The following PRDM16 variants were observed in gnomAD, a reference collection of about 807,000 sequenced individuals.
The protein encoded by PRDM16 is PR/SET domain 16.
A neutral mutation model predicts 110.6 loss-of-function variants in PRDM16; 23 were observed. The observed-to-expected ratio is 0.21, with a 90% CI of 0.15 to 0.29. The LOEUF is 0.29. PRDM16 is among the 10% of genes least tolerant of loss of function. PRDM16 has a pLI of 1.00. For synonymous variants in PRDM16, 799 were observed against 781.8 expected (o/e 1.02, Z -0.37); for missense variants, 1,615 against 1,794.3 (o/e 0.90, Z 1.81).
At chr1:3,118,835 C>T (rs1367103713) in intron 1 of PRDM16, among the ~76,000 whole-genome samples, 1 of 152,248 alleles carries the variant, frequency 6.6e-6, no homozygotes, top group African/African-American at 2.4e-5. Flanking sequence ...TGTGTGTGCA[C>T]TTGCAGGTGT....
At chr1:3,242,978 C>A (rs193220479) in intron 2 of PRDM16, among the ~76,000 whole-genome samples, 2 of 152,376 alleles carry the variant, frequency 1.3e-5, no homozygotes, top group East Asian at 3.9e-4. Context: ...GCACAGACAG[C>A]ACTCTGGGAT....
chr1:3,305,686 A>G (rs1268689439), intron 3 of PRDM16, among the ~76,000 whole-genome samples: 1 of 152,216 alleles, frequency 6.6e-6, no homozygotes, highest in Admixed American at 6.5e-5. Flanking sequence ...AACGGTGGGG[A>G]ATTGTGGAGC....
intron 4 of PRDM16, among the ~76,000 whole-genome samples, chr1:3,386,288 C>T (rs1407430092): frequency 1.2e-4 from 18 of 152,088 alleles, no homozygotes; most frequent in Admixed American, 1.2e-3. Flanking sequence ...GTGAAGACCA[C>T]GTCACGGAAC....
At chr1:3,332,163 A>G (rs1642054308) in intron 3 of PRDM16, among the ~76,000 whole-genome samples, 1 of 152,234 alleles carries the variant, frequency 6.6e-6, no homozygotes, top group South Asian at 2.1e-4. Context: ...TTTCCTGACA[A>G]TGCGCTCACC....
chr1:3,425,635 C>T lies in PRDM16; in HGVS notation c.2994C>T (p.Val998=). Residue 998 remains valine, a synonymous_variant, in exon 13 of 17, where the codon GTC becomes GTT. Transcript: ENST00000270722. This position sits in a 1 kb window ranked among gnomAD's most constrained non-coding sequence, Gnocchi z 6.9. The stretch of plus-strand genomic sequence containing the variant: ...TCTCTTCGAACCTCCAGCGGCACGT[C>T]CGGAACATCCACAACAAGGAGAAGC... ...FSISSNLQRH[V]RNIHNKEKPF... is the part of the protein sequence containing the mutation. 1 of 1,613,996 alleles carries T rather than the reference C, an allele frequency of 6.2e-7. No homozygotes were observed. The highest frequency in any genetic ancestry group is 1.3e-5 in the African/African-American group (1 of 75,048).
At chr1:3,110,879 G>C (rs958448318) in intron 1 of PRDM16, among the ~76,000 whole-genome samples, 1 of 152,170 alleles carries the variant, frequency 6.6e-6, no homozygotes, top group Non-Finnish European at 1.5e-5. Flanking sequence ...GATAAGAACA[G>C]TTGCCGAGTC....
intron 1 of PRDM16, among the ~76,000 whole-genome samples, chr1:3,145,682 C>G (rs994342430): frequency 6.6e-6 from 1 of 152,216 alleles, no homozygotes; most frequent in African/African-American, 2.4e-5. Flanking sequence ...ACTCACCCGC[C>G]CCACCCGCTC....
chr1:3,124,532 G>T (rs1643163977), intron 1 of PRDM16, among the ~76,000 whole-genome samples: 1 of 152,316 alleles, frequency 6.6e-6, no homozygotes, highest in Non-Finnish European at 1.5e-5. Flanking sequence ...TACCACTATA[G>T]CACCAATGCT....
At chr1:3,347,474 C>G (rs954081485) in intron 3 of PRDM16, among the ~76,000 whole-genome samples, 1 of 152,198 alleles carries the variant, frequency 6.6e-6, no homozygotes, top group Non-Finnish European at 1.5e-5. Context: ...AGGCCCCGCC[C>G]TCCTGCGTCT....
At chr1:3,256,012 G>T (rs1458607012) in intron 3 of PRDM16, among the ~76,000 whole-genome samples, 1 of 152,230 alleles carries the variant, frequency 6.6e-6, no homozygotes, top group Non-Finnish European at 1.5e-5. Flanking sequence ...GAGCAGGTAT[G>T]TGGCACAGTG....
intron 12 of PRDM16, among the ~76,000 whole-genome samples, chr1:3,420,290 T>A (rs1638391121): frequency 1.3e-5 from 2 of 152,210 alleles, no homozygotes. Context: ...CTGGACTGGC[T>A]TTGATAATCA....
chr1:3,113,838 C>T (rs1363654925), intron 1 of PRDM16, among the ~76,000 whole-genome samples: 1 of 152,262 alleles, frequency 6.6e-6, no homozygotes, highest in African/African-American at 2.4e-5. Context: ...GTGTCTGCCT[C>T]CCTCAGGCCG....
chr1:3,203,556 G>T (rs1309424707), intron 2 of PRDM16, among the ~76,000 whole-genome samples: 3 of 149,976 alleles, frequency 2.0e-5, no homozygotes, highest in Non-Finnish European at 4.4e-5. Flanking sequence ...GAAGCCTCTG[G>T]GGTGGGGTCC....
At chr1:3,192,244 G>T (rs901482349) in intron 2 of PRDM16, among the ~76,000 whole-genome samples, 3 of 152,228 alleles carry the variant, frequency 2.0e-5, no homozygotes, top group Non-Finnish European at 2.9e-5. Flanking sequence ...CGTGTCGCCA[G>T]CTCATCTGGG....
At chr1:3,216,349 G>T (rs1184535321) in intron 2 of PRDM16, among the ~76,000 whole-genome samples, 1 of 152,196 alleles carries the variant, frequency 6.6e-6, no homozygotes, top group African/African-American at 2.4e-5. Context: ...ATGCCACGGG[G>T]CTGGGAAGCC....
In PRDM16 at chr1:3,127,121, G is replaced by T. The variant is rs537390787; in HGVS notation, c.37+57825G>T. The stretch of plus-strand genomic sequence containing the variant: ...AAAGGGAAAGGCCAAGGAAAAGAGA[G>T]AGAGGCCCAGACGGTCTCTTGTTTT... On this transcript the variant is annotated intron_variant, in intron 1 of 16. Coordinates refer to ENST00000270722, the MANE Select transcript of PRDM16 (RefSeq NM_022114.4). Among the ~76,000 whole-genome samples the T allele has an allele frequency of 3.9e-5, 6 of 152,368 alleles. No homozygotes were observed. In the South Asian group the frequency reaches 1.2e-3, roughly 32 times the overall value.
In PRDM16 at chr1:3,258,337, T is replaced by C. The variant is rs531147347; in HGVS notation, c.438+14200T>C. On this transcript the variant is annotated intron_variant, in intron 3 of 16. Coordinates refer to ENST00000270722, the MANE Select transcript of PRDM16 (RefSeq NM_022114.4). The stretch of plus-strand genomic sequence containing the variant: ...AGTTTGGCCAGAAAGAGTGGGATTC[T>C]TAATGTAACAGATTCCGTGTGAGTG... 8.3e-4 allele frequency among the ~76,000 whole-genome samples: 126 copies of C among 152,320 alleles called. 1 individual carries two copies. Among genetic ancestry groups the C allele is most frequent in the African/African-American group, 3.0e-3 (125 of 41,570 alleles).
intron 3 of PRDM16, among the ~76,000 whole-genome samples, chr1:3,262,867 G>C (rs989063402): frequency 6.6e-6 from 1 of 152,196 alleles, no homozygotes; most frequent in Non-Finnish European, 1.5e-5. Context: ...GGGTGTGCGC[G>C]CATGGGGTCC....
chr1:3,418,149 C>T (rs1638321539), intron 11 of PRDM16, 152 bp downstream of exon 11: 2 of 702,008 alleles, frequency 2.8e-6, no homozygotes, highest in African/African-American at 1.8e-5. Flanking sequence ...TGAGGTCATG[C>T]TTTGCAAATA....
Sources: gnomAD v4.1 joint callset for allele counts (sites outside exome capture counted in the v4.1 genomes callset) on GRCh38, gnomAD v4.1.1 for gene constraint, Gnocchi (gnomAD v3.1) non-coding constraint, MANE v1.5 for transcripts, NCBI Gene and HGNC (gene_info 2026-07-23, HGNC 2026-07-21) for gene names.